Variants in GALNT14 observed in about 807,000 individuals in gnomAD.
GALNT14 encodes UDP-GalNAc:polypeptide N-acetylgalactosaminyltransferase 14.
GALNT14 carries 60 observed loss-of-function variants against 77.5 expected under a neutral mutation model. The observed-to-expected ratio is 0.77, with a 90% CI of 0.63 to 0.96. The LOEUF is 0.96. GALNT14 is among the 40% of genes least tolerant of loss of function. The pLI, the probability that GALNT14 is intolerant of heterozygous loss-of-function variation, is 0.00. For synonymous variants in GALNT14, 280 were observed against 281.7 expected, an observed-to-expected ratio of 0.99 and a Z score of 0.06; for missense variants, 710 against 731.0, an observed-to-expected ratio of 0.97 and a Z score of 0.33.
chr2:30,994,812 A>G (rs537550236), intron 1 of GALNT14, among the ~76,000 whole-genome samples: 1 of 152,304 alleles, frequency 6.6e-6, no homozygotes, highest in East Asian at 1.9e-4. Flanking sequence ...TCCGAGCTAG[A>G]GAAGAGCGAT....
intron 1 of GALNT14, among the ~76,000 whole-genome samples, chr2:31,105,807 G>A (rs2216829): frequency 0.44 from 66,015 of 151,690 alleles, 14,650 homozygotes; most frequent in Middle Eastern, 0.52. Flanking sequence ...CACTGCTTTC[G>A]GACGAAGGAG....
chr2:30,980,899 T>C (rs1668950142), intron 2 of GALNT14, among the ~76,000 whole-genome samples: 1 of 152,218 alleles, frequency 6.6e-6, no homozygotes, highest in Admixed American at 6.5e-5. Context: ...CTGGCCAACA[T>C]GGCAAAACCC....
At chr2:31,029,181 T>C (rs1405338615) in intron 1 of GALNT14, among the ~76,000 whole-genome samples, 1 of 152,188 alleles carries the variant, frequency 6.6e-6, no homozygotes, top group African/African-American at 2.4e-5. Flanking sequence ...GAGCAAGTCA[T>C]TCGCGGGATC....
intron 1 of GALNT14, among the ~76,000 whole-genome samples, chr2:31,009,023 T>C (rs919821500): frequency 6.6e-6 from 1 of 152,160 alleles, no homozygotes; most frequent in Non-Finnish European, 1.5e-5. Flanking sequence ...ACAAAATCAA[T>C]GCCCCGGGCT....
At chr2:30,939,066 A>G (rs1255260961) in intron 9 of GALNT14, among the ~76,000 whole-genome samples, 1 of 152,194 alleles carries the variant, frequency 6.6e-6, no homozygotes, top group Middle Eastern at 3.2e-3. Context: ...TGGCTTTTTG[A>G]ACCCACATTT....
At chr2:31,126,435 T>C (rs1258834852) in intron 1 of GALNT14, among the ~76,000 whole-genome samples, 2 of 152,118 alleles carry the variant, frequency 1.3e-5, no homozygotes, top group South Asian at 2.1e-4. Flanking sequence ...AGCATGATCT[T>C]GGATATGTCA....
chr2:31,045,499 G>A (rs2148507877), intron 1 of GALNT14, among the ~76,000 whole-genome samples: 1 of 152,104 alleles, frequency 6.6e-6, no homozygotes, highest in Non-Finnish European at 1.5e-5. Context: ...TTCTTGCTTT[G>A]TCGCCCATGC....
chr2:31,039,359 C>A (rs1047973580), intron 1 of GALNT14, among the ~76,000 whole-genome samples: 5 of 152,178 alleles, frequency 3.3e-5, no homozygotes, highest in Middle Eastern at 3.2e-3. Flanking sequence ...TTGCAGAGAA[C>A]CTTTTTAGTG....
intron 1 of GALNT14, among the ~76,000 whole-genome samples, chr2:30,999,786 C>T (rs774996034): frequency 6.6e-6 from 1 of 152,234 alleles, no homozygotes; most frequent in Non-Finnish European, 1.5e-5. Flanking sequence ...CCCACCAGAT[C>T]ATATTTCCAT....
the GALNT14 span, among the ~76,000 whole-genome samples, chr2:30,895,642 TC>T: frequency 6.6e-6 from 1 of 151,968 alleles, no homozygotes; most frequent in African/African-American, 2.4e-5. Flanking sequence ...TGCCCTTTCT[TC>T]CCCTTGTCCT....
At chr2:30,948,335 C>A (rs931723596) in intron 6 of GALNT14, among the ~76,000 whole-genome samples, 6 of 152,218 alleles carry the variant, frequency 3.9e-5, no homozygotes, top group Non-Finnish European at 8.8e-5. Context: ...TAACCTCTAA[C>A]CCCTTGGAAT....
chr2:31,024,870 G>A (rs1212591455), intron 1 of GALNT14, among the ~76,000 whole-genome samples: 2 of 152,170 alleles, frequency 1.3e-5, no homozygotes, highest in Admixed American at 1.3e-4. Flanking sequence ...CCACACGGCA[G>A]GGCTCTAGGA....
chr2:30,927,847 GTAT>G (rs1185185988), intron 11 of GALNT14, among the ~76,000 whole-genome samples: 1 of 152,182 alleles, frequency 6.6e-6, no homozygotes, highest in Non-Finnish European at 1.5e-5. Flanking sequence ...CGACCACGGT[GTAT>G]TATTAGTAGC....
intron 1 of GALNT14, among the ~76,000 whole-genome samples, chr2:31,087,646 T>C (rs544349218): frequency 3.3e-5 from 5 of 151,944 alleles, no homozygotes; most frequent in African/African-American, 9.7e-5. Context: ...GGTGAAGTAA[T>C]CAAATCCAAA....
chr2:31,101,723 AT>A (rs138791970), intron 1 of GALNT14, among the ~76,000 whole-genome samples: 243 of 151,952 alleles, frequency 1.6e-3, no homozygotes, highest in African/African-American at 5.6e-3. Context: ...AGTTTATTTT[AT>A]TGTTGTTTTT....
intron 1 of GALNT14, among the ~76,000 whole-genome samples, chr2:31,040,638 G>A (rs939459682): frequency 6.6e-6 from 1 of 152,172 alleles, no homozygotes. Flanking sequence ...GATGACAAGT[G>A]TGATCCTCAA....
intron 1 of GALNT14, chr2:31,078,877 C>T: frequency 7.8e-7 from 1 of 1,282,170 alleles, no homozygotes; most frequent in South Asian, 1.2e-5. Context: ...GAAAGTAGGG[C>T]AAAGCAGGGT....
At chr2:31,112,484 T>C (rs933047425) in intron 1 of GALNT14, among the ~76,000 whole-genome samples, 1 of 152,214 alleles carries the variant, frequency 6.6e-6, no homozygotes, top group Non-Finnish European at 1.5e-5. Flanking sequence ...CTGTTTGGTA[T>C]GAAACACATG....
chr2:31,065,765 A>C (rs991375987), intron 1 of GALNT14, among the ~76,000 whole-genome samples: 4 of 152,168 alleles, frequency 2.6e-5, no homozygotes, highest in African/African-American at 9.7e-5. Context: ...GACCATAACT[A>C]ACCCTCCTAC....
Sources: allele counts gnomAD v4.1 joint callset (sites outside exome capture counted in the v4.1 genomes callset), GRCh38; gene constraint gnomAD v4.1.1; transcripts MANE v1.5; gene names NCBI Gene and HGNC (gene_info 2026-07-23, HGNC 2026-07-21).